Variants in HNRNPA1L2 observed in about 807,000 individuals in gnomAD.
HNRNPA1L2 encodes the protein heterogeneous nuclear ribonucleoprotein A1-like 2.
In HNRNPA1L2, 10 loss-of-function variants were observed where a neutral mutation model predicts 18.2. The observed-to-expected ratio is 0.55, with a 90% CI of 0.34 to 0.93. HNRNPA1L2 has a LOEUF of 0.93. Ranked by LOEUF, HNRNPA1L2 falls within the 40% of genes least tolerant of loss-of-function variation. The pLI, the probability that HNRNPA1L2 is intolerant of heterozygous loss-of-function variation, is 0.02. For synonymous variants in HNRNPA1L2, 124 were observed against 138.6 expected (o/e 0.89, Z 0.74); for missense variants, 308 against 394.4 (o/e 0.78, Z 1.85).
chr13:52,625,277 G>A, the HNRNPA1L2 span, among the ~76,000 whole-genome samples: 1 of 151,906 alleles, frequency 6.6e-6, no homozygotes, highest in Non-Finnish European at 1.5e-5. Flanking sequence ...ACAATGCCTG[G>A]CTAATTTTTT....
chr13:52,637,261 T>G, the HNRNPA1L2 span: 1 of 169,028 alleles, frequency 5.9e-6, no homozygotes, highest in Admixed American at 5.8e-5. Context: ...TTTAAAAAGA[T>G]ATTTACATTG....
chr13:52,633,934 A>G, the HNRNPA1L2 span, among the ~76,000 whole-genome samples: 8 of 152,292 alleles, frequency 5.3e-5, no homozygotes, highest in Non-Finnish European at 8.8e-5. Context: ...TTAATAAACT[A>G]TGTTAGAGGC....
chr13:52,629,056 G>A, the HNRNPA1L2 span, among the ~76,000 whole-genome samples: 4 of 151,966 alleles, frequency 2.6e-5, no homozygotes, highest in Admixed American at 6.6e-5. Context: ...TGTACTTTTA[G>A]TAGAGAGGGG....
In HNRNPA1L2 at chr13:52,642,684, T is replaced by A; in HGVS notation, c.192T>A (p.Thr64=). ...GCTTTGGGTTTGTCACATATGCCAC[T>A]GTGGAGGAGGTGGATGCAGCTATGA... ...SRGFGFVTYA[T]VEEVDAAMNT... The change falls in exon 1 of 1, where the codon ACT becomes ACA. Residue 64 remains threonine (T), a synonymous_variant. Coordinates refer to ENST00000357495, the MANE Select transcript of HNRNPA1L2 (RefSeq NM_001389320.1). 6.2e-7 allele frequency: 1 copy of A among 1,609,268 alleles called. No individual in the cohort carries two copies. The highest frequency in any genetic ancestry group is 8.5e-7 in the Non-Finnish European group (1 of 1,179,818).
chr13:52,641,085 A>G (rs559901078), upstream of HNRNPA1L2: 1 of 152,362 alleles, frequency 6.6e-6, no homozygotes, highest in South Asian at 2.1e-4. Flanking sequence ...TCCCGATATT[A>G]CATCTTGACT....
chr13:52,631,896 A>C, the HNRNPA1L2 span, among the ~76,000 whole-genome samples: 2 of 152,236 alleles, frequency 1.3e-5, no homozygotes, highest in Admixed American at 1.3e-4. Context: ...TGATTGCTTT[A>C]TGAAAGGGAA....
At chr13:52,635,880 G>C in the HNRNPA1L2 span, among the ~76,000 whole-genome samples, 40 of 150,890 alleles carry the variant, frequency 2.7e-4, no homozygotes, top group Middle Eastern at 6.8e-3. Context: ...GCCCAGGCTG[G>C]AGTGCAATGG....
chr13:52,637,974 C>T (rs907455834), upstream of HNRNPA1L2, among the ~76,000 whole-genome samples: 2 of 152,104 alleles, frequency 1.3e-5, no homozygotes, highest in African/African-American at 2.4e-5. Flanking sequence ...AGAGTCCCAG[C>T]ATTATCAGAT....
At chr13:52,621,727 T>C in the HNRNPA1L2 span, among the ~76,000 whole-genome samples, 1 of 150,090 alleles carries the variant, frequency 6.7e-6, no homozygotes, top group African/African-American at 2.4e-5. Flanking sequence ...AAGTTACTTC[T>C]CTGATTTTCA....
chr13:52,634,721 A>G, the HNRNPA1L2 span, among the ~76,000 whole-genome samples: 1 of 152,206 alleles, frequency 6.6e-6, no homozygotes, highest in African/African-American at 2.4e-5. Context: ...TACAAAGGAT[A>G]TAGTCATAGG....
At chr13:52,624,197 C>G in the HNRNPA1L2 span, among the ~76,000 whole-genome samples, 1 of 152,202 alleles carries the variant, frequency 6.6e-6, no homozygotes, top group Non-Finnish European at 1.5e-5. Flanking sequence ...TCACTGCTAT[C>G]TCCACCTCCT....
the HNRNPA1L2 span, among the ~76,000 whole-genome samples, chr13:52,634,661 T>C: frequency 1.3e-5 from 2 of 152,222 alleles, no homozygotes; most frequent in Non-Finnish European, 2.9e-5. Context: ...AATGAGTTAT[T>C]CTGTTCCATG....
upstream of HNRNPA1L2, chr13:52,641,476 G>A (rs1299029039): frequency 1.3e-5 from 2 of 152,098 alleles, no homozygotes; most frequent in African/African-American, 4.8e-5. Flanking sequence ...GTGCCCAACT[G>A]TCCTATCCTG....
upstream of HNRNPA1L2, among the ~76,000 whole-genome samples, chr13:52,638,041 A>G (rs1349752261): frequency 2.0e-5 from 3 of 152,208 alleles, no homozygotes; most frequent in Non-Finnish European, 4.4e-5. Flanking sequence ...TCTAGAATGA[A>G]AAGACCATCC....
At chr13:52,620,877 CAA>C in the HNRNPA1L2 span, among the ~76,000 whole-genome samples, 2,547 of 142,660 alleles carry the variant, frequency 0.018, 76 homozygotes, top group African/African-American at 0.062. Context: ...GACCCTGTCT[CAA>C]AAAAAAAAAA....
the HNRNPA1L2 span, among the ~76,000 whole-genome samples, chr13:52,636,740 T>C: frequency 2.6e-5 from 4 of 152,136 alleles, no homozygotes; most frequent in Non-Finnish European, 4.4e-5. Flanking sequence ...AAAATACAAA[T>C]TTATTTTTTT....
At chr13:52,638,023 G>A (rs1961518452), upstream of HNRNPA1L2, among the ~76,000 whole-genome samples, 2 of 152,040 alleles carry the variant, frequency 1.3e-5, no homozygotes, top group African/African-American at 4.8e-5. Context: ...CAAACAAAGG[G>A]CATGTTATCT....
chr13:52,640,483 T>C (rs1176325585), upstream of HNRNPA1L2, among the ~76,000 whole-genome samples: 1 of 152,208 alleles, frequency 6.6e-6, no homozygotes, highest in Non-Finnish European at 1.5e-5. Context: ...TACTAGGTAA[T>C]CTTAATGTAC....
At chr13:52,636,304 A>G in the HNRNPA1L2 span, among the ~76,000 whole-genome samples, 1 of 152,338 alleles carries the variant, frequency 6.6e-6, no homozygotes, top group African/African-American at 2.4e-5. Flanking sequence ...TGAAATAGCT[A>G]TGATGAATAA....
Sources: allele counts gnomAD v4.1 joint callset (sites outside exome capture counted in the v4.1 genomes callset), GRCh38; gene constraint gnomAD v4.1.1; transcripts MANE v1.5; gene names NCBI Gene and HGNC (gene_info 2026-07-23, HGNC 2026-07-21).